The following FMN2 variants were observed in gnomAD, a reference collection of about 807,000 sequenced individuals.
FMN2 encodes formin-2.
A neutral mutation model predicts 142.3 loss-of-function variants in FMN2; 51 were observed. The observed-to-expected ratio is 0.36, with a 90% CI of 0.29 to 0.45. FMN2 has a LOEUF of 0.45. Ranked by LOEUF, FMN2 falls within the 20% of genes least tolerant of loss-of-function variation. The pLI, the probability that FMN2 is intolerant of heterozygous loss-of-function variation, is 1.00. For synonymous variants in FMN2, 882 were observed against 869.8 expected, an observed-to-expected ratio of 1.01 and a Z score of -0.25; for missense variants, 1,936 against 2,122.8, an observed-to-expected ratio of 0.91 and a Z score of 1.73.
chr1:240,344,119 T>G (rs1001108069), intron 13 of FMN2, among the ~76,000 whole-genome samples: 1 of 152,258 alleles, frequency 6.6e-6, no homozygotes, highest in Non-Finnish European at 1.5e-5. Flanking sequence ...TGACATGATT[T>G]ATGTCTTGAA....
chr1:240,376,521 G>A (rs943172778), intron 14 of FMN2, among the ~76,000 whole-genome samples: 9 of 152,016 alleles, frequency 5.9e-5, no homozygotes, highest in African/African-American at 2.2e-4. Flanking sequence ...CAACAAAAAA[G>A]GGATGTTCGT....
chr1:240,390,595 A>C (rs1004241487), intron 14 of FMN2, among the ~76,000 whole-genome samples: 2 of 152,204 alleles, frequency 1.3e-5, no homozygotes, highest in African/African-American at 4.8e-5. Flanking sequence ...TCAGTTAAAC[A>C]TTATGTATGA....
At chr1:240,323,510 T>A (rs1188312389) in intron 8 of FMN2, among the ~76,000 whole-genome samples, 1 of 152,142 alleles carries the variant, frequency 6.6e-6, no homozygotes, top group African/African-American at 2.4e-5. Context: ...CTTTGACCTT[T>A]TTCACTCTGT....
intron 6 of FMN2, among the ~76,000 whole-genome samples, chr1:240,216,877 A>C (rs1439054915): frequency 2.0e-5 from 3 of 151,768 alleles, no homozygotes; most frequent in Middle Eastern, 3.4e-3. Context: ...TGAACCCGGG[A>C]GGCGGAGGTT....
chr1:240,338,751 G>T (rs1347211857), intron 13 of FMN2, among the ~76,000 whole-genome samples: 2 of 152,086 alleles, frequency 1.3e-5, no homozygotes, highest in Non-Finnish European at 2.9e-5. Context: ...AGCCAGTGGG[G>T]GATGGTTTCA....
At chr1:240,144,543 C>A (rs1663348862) in intron 2 of FMN2, 1 of 1,445,284 alleles carries the variant, frequency 6.9e-7, no homozygotes. Flanking sequence ...AAGATGTCTT[C>A]TACCAGCTCC....
At chr1:240,399,587 G>T (rs904750744) in intron 15 of FMN2, among the ~76,000 whole-genome samples, 2 of 152,122 alleles carry the variant, frequency 1.3e-5, no homozygotes, top group Non-Finnish European at 2.9e-5. Context: ...TGAGGTTATG[G>T]CTTCTCACTG....
In FMN2 at chr1:240,144,021, A is replaced by G. The variant is rs1395584398; in HGVS notation, c.1782+20676A>G. 1.2e-5 allele frequency: 14 copies of G among 1,150,274 alleles called. No homozygotes were observed. The South Asian group carries it at 1.7e-4, about 14-fold the overall frequency. The allele number at this position is 1,150,274 out of a possible 1,614,324, so 71.3% of individuals were successfully genotyped here. On this transcript the variant is annotated intron_variant, in intron 2 of 17. Transcript: ENST00000319653. ...GGGACACACTCATTCCAGACCCCAGAGTTCACTATGCCACAGGCAAGAAGA... is the reference window on the plus strand; with the variant it reads ...GGGACACACTCATTCCAGACCCCAGGGTTCACTATGCCACAGGCAAGAAGA...
chr1:240,472,288 G>C, intron 16 of FMN2, 84 bp from the exon 17 acceptor site: 2 of 900,546 alleles, frequency 2.2e-6, no homozygotes, highest in South Asian at 3.0e-5. Context: ...TCTTTATTGA[G>C]TTGAGGTTTG....
chr1:240,223,053 G>T (rs1200181046), intron 6 of FMN2, among the ~76,000 whole-genome samples: 1 of 152,158 alleles, frequency 6.6e-6, no homozygotes, highest in African/African-American at 2.4e-5. Flanking sequence ...GGGCATCCTT[G>T]TCTTGTGCCA....
At chr1:240,330,996 A>G (rs747473345) in intron 11 of FMN2, among the ~76,000 whole-genome samples, 4 of 152,228 alleles carry the variant, frequency 2.6e-5, no homozygotes, top group Non-Finnish European at 5.9e-5. Context: ...TAAAAACAAT[A>G]CAAAATAACT....
chr1:240,328,559 T>G (rs1671271803), intron 8 of FMN2, among the ~76,000 whole-genome samples: 1 of 140,316 alleles, frequency 7.1e-6, no homozygotes, highest in South Asian at 2.4e-4. Context: ...TTACACTTTA[T>G]TTTATTTATT....
chr1:240,451,108 C>A (rs1676023198), intron 16 of FMN2, among the ~76,000 whole-genome samples: 1 of 152,156 alleles, frequency 6.6e-6, no homozygotes, highest in Admixed American at 6.6e-5. Context: ...TGGCTCACGC[C>A]TGTAATCCTA....
chr1:240,445,436 C>G (rs1483886938), intron 16 of FMN2, among the ~76,000 whole-genome samples: 1 of 152,154 alleles, frequency 6.6e-6, no homozygotes, highest in Non-Finnish European at 1.5e-5. Flanking sequence ...TCTGAAGAGG[C>G]AGCATTGCTG....
intron 6 of FMN2, among the ~76,000 whole-genome samples, chr1:240,219,769 C>G (rs957955186): frequency 2.7e-4 from 41 of 152,136 alleles, no homozygotes; most frequent in Non-Finnish European, 4.0e-4. Flanking sequence ...ATCCTCTCAC[C>G]TCAGCCTCCC....
intron 16 of FMN2, among the ~76,000 whole-genome samples, chr1:240,445,332 T>A (rs1203109653): frequency 6.6e-6 from 1 of 152,200 alleles, no homozygotes; most frequent in Non-Finnish European, 1.5e-5. Flanking sequence ...AGTTACAAGC[T>A]GAAATCAGTG....
At chr1:240,432,927 C>T (rs1158468752) in intron 15 of FMN2, among the ~76,000 whole-genome samples, 4 of 151,994 alleles carry the variant, frequency 2.6e-5, no homozygotes, top group South Asian at 2.1e-4. Flanking sequence ...TTCATGTTCT[C>T]GTGTATATTC....
chr1:240,121,521 G>A (rs1662247985), intron 1 of FMN2, among the ~76,000 whole-genome samples: 1 of 151,076 alleles, frequency 6.6e-6, no homozygotes, highest in Non-Finnish European at 1.5e-5. Flanking sequence ...GACTACAGGC[G>A]CTGGCCACCA....
chr1:240,252,953 C>CCTTTTTTTTTTTTTTTTTTTTTTTTTTTT (rs1668326347), intron 6 of FMN2, among the ~76,000 whole-genome samples: 1 of 65,346 alleles, frequency 1.5e-5, no homozygotes, highest in Non-Finnish European at 2.6e-5. Flanking sequence ...GTCTTGTTCA[C>CCTTTTTTTTTTTTTTTTTTTTTTTTTTTT]TTTTTTTTTT....
Sources: gnomAD v4.1 joint callset for allele counts (sites outside exome capture counted in the v4.1 genomes callset) on GRCh38, gnomAD v4.1.1 for gene constraint, MANE v1.5 for transcripts, NCBI Gene and HGNC (gene_info 2026-07-23, HGNC 2026-07-21) for gene names.